Variants in TRDN observed in about 807,000 individuals in gnomAD.
The protein encoded by TRDN is triadin in skeletal muscle.
In TRDN, 161 loss-of-function variants were observed where a neutral mutation model predicts 149.7. The observed-to-expected ratio is 1.08, with a 90% CI of 0.95 to 1.23. The LOEUF (loss-of-function observed/expected upper bound fraction) is 1.23, where lower values mean the gene tolerates loss of function less well. TRDN is among the 50% of genes most tolerant of loss of function. The probability of loss-of-function intolerance (pLI) is 0.00; values close to 1 mark genes in which losing one functional copy is unlikely to be tolerated. For synonymous variants in TRDN, 294 were observed against 250.5 expected (o/e 1.17, Z -1.64); for missense variants, 896 against 823.5 (o/e 1.09, Z -1.08).
At chr6:123,393,701 T>A (rs1484290270) in intron 12 of TRDN, 24 bp from the exon 13 acceptor site, 1 of 1,586,842 alleles carries the variant, frequency 6.3e-7, no homozygotes, top group Non-Finnish European at 8.6e-7. Flanking sequence ...AAACATAAAT[T>A]ACCATGAAGT....
intron 19 of TRDN, among the ~76,000 whole-genome samples, chr6:123,374,856 C>T (rs1054006187): frequency 2.0e-5 from 3 of 152,014 alleles, no homozygotes; most frequent in African/African-American, 4.8e-5. Flanking sequence ...GTATTAGTAG[C>T]ATCACCAGTA....
intron 24 of TRDN, among the ~76,000 whole-genome samples, chr6:123,292,863 G>T (rs1314688629): frequency 1.3e-5 from 2 of 152,144 alleles, no homozygotes; most frequent in African/African-American, 4.8e-5. Context: ...GGGAATGGGA[G>T]CTACAGTTTT....
At chr6:123,346,989 TAA>T (rs11318779) in intron 21 of TRDN, among the ~76,000 whole-genome samples, 9 of 151,236 alleles carry the variant, frequency 6.0e-5, no homozygotes, top group South Asian at 2.1e-4. Context: ...ATTTCAAACA[TAA>T]AAAAAAAACA....
intron 14 of TRDN, among the ~76,000 whole-genome samples, chr6:123,385,709 T>C (rs532290574): frequency 6.6e-6 from 1 of 152,274 alleles, no homozygotes; most frequent in South Asian, 2.1e-4. Flanking sequence ...ATAAATCTCA[T>C]ATGGCTGGTT....
At chr6:123,600,803 C>A (rs1419623951) in intron 1 of TRDN, among the ~76,000 whole-genome samples, 1 of 152,104 alleles carries the variant, frequency 6.6e-6, no homozygotes, top group Non-Finnish European at 1.5e-5. Flanking sequence ...GATAATTCTA[C>A]TGTCCAGTTT....
intron 21 of TRDN, among the ~76,000 whole-genome samples, chr6:123,340,787 G>A (rs1038419447): frequency 5.9e-4 from 90 of 152,064 alleles, no homozygotes; most frequent in Middle Eastern, 3.4e-3. Flanking sequence ...TTATCTGAAA[G>A]TGAAACGATA....
intron 14 of TRDN, among the ~76,000 whole-genome samples, chr6:123,386,989 C>T (rs543142372): frequency 1.1e-3 from 163 of 152,098 alleles, no homozygotes; most frequent in African/African-American, 3.7e-3. Context: ...TTAGGAAAGA[C>T]GATTCAGAAA....
At chr6:123,585,541 G>A (rs886383716) in intron 1 of TRDN, among the ~76,000 whole-genome samples, 29 of 152,154 alleles carry the variant, frequency 1.9e-4, no homozygotes, top group African/African-American at 5.8e-4. Context: ...CGAGGCGATT[G>A]GGCAGCGTCA....
rs564825020 is a variant in TRDN at position 123,218,334 on chromosome 6, C to A, written c.*267G>T. 1 of 351,954 alleles carries A rather than the reference C, an allele frequency of 2.8e-6. No homozygotes were observed. The highest frequency in any genetic ancestry group is 2.1e-5 in the African/African-American group (1 of 47,832). The allele number at this position is 351,954 out of a possible 1,614,324, so 21.8% of individuals were successfully genotyped here. A position where few individuals can be genotyped will look rare whatever the true frequency, so the allele number is the denominator to read the frequency against. On this transcript the variant is annotated 3_prime_UTR_variant, in exon 41 of 41. Transcript: ENST00000334268. ...AAACTTTAAATTAGTTTGTGTACAACCTTATAGTGACTGGAAATAAGATAA... is the reference window on the plus strand; with the variant it reads ...AAACTTTAAATTAGTTTGTGTACAAACTTATAGTGACTGGAAATAAGATAA...
intron 20 of TRDN, among the ~76,000 whole-genome samples, chr6:123,360,976 A>G (rs934298764): frequency 6.6e-6 from 1 of 152,188 alleles, no homozygotes; most frequent in African/African-American, 2.4e-5. Context: ...TATCCAGTCT[A>G]TCATTGATGG....
intron 8 of TRDN, among the ~76,000 whole-genome samples, chr6:123,499,719 A>AATATATATATATATATATATATAT (rs71272328): frequency 2.5e-4 from 12 of 47,638 alleles, no homozygotes; most frequent in South Asian, 6.4e-4. Context: ...AAAAAAAAAA[A>AATATATATATATATATATATATAT]ATATATATAT....
chr6:123,621,032 CT>C (rs1255717316), intron 1 of TRDN, among the ~76,000 whole-genome samples: 1 of 152,048 alleles, frequency 6.6e-6, no homozygotes, highest in Non-Finnish European at 1.5e-5. Flanking sequence ...AAATAGGGAC[CT>C]TTTTTGTCCA....
chr6:123,547,422 A>G (rs1458231759), intron 3 of TRDN, 50 bp from the exon 4 acceptor site: 7 of 1,094,394 alleles, frequency 6.4e-6, no homozygotes, highest in Admixed American at 7.1e-5. Context: ...TTTAGCATAG[A>G]ATAATATGAC....
At chr6:123,391,976 T>C (rs951212230) in intron 13 of TRDN, among the ~76,000 whole-genome samples, 2 of 152,114 alleles carry the variant, frequency 1.3e-5, no homozygotes, top group African/African-American at 4.8e-5. Context: ...ATGGAGGATT[T>C]GCAAAGACGC....
chr6:123,275,724 A>G (rs1777346904), intron 26 of TRDN, among the ~76,000 whole-genome samples: 1 of 152,148 alleles, frequency 6.6e-6, no homozygotes, highest in Non-Finnish European at 1.5e-5. Context: ...ATTGCTTTGA[A>G]GAGATTATTG....
chr6:123,358,418 G>T (rs988966609), intron 20 of TRDN, among the ~76,000 whole-genome samples: 15 of 150,408 alleles, frequency 1.0e-4, no homozygotes, highest in Non-Finnish European at 3.0e-5. Context: ...TTTTTTCTCC[G>T]TATCACCCAT....
At chr6:123,283,898 T>C (rs1473482114) in intron 24 of TRDN, among the ~76,000 whole-genome samples, 4 of 145,888 alleles carry the variant, frequency 2.7e-5, no homozygotes, top group Non-Finnish European at 6.0e-5. Flanking sequence ...ATATTTCTGG[T>C]CCTGGAATTT....
rs868052821 is a variant in TRDN at position 123,477,803 on chromosome 6, G to A, written c.854-12820C>T. ...AAATCATCATTCTCAGTAAACTATC[G>A]CAAGAACAAAAAACCAAACACCGCA... On this transcript the variant is annotated intron_variant, in intron 9 of 40. Coordinates refer to ENST00000334268, the MANE Select transcript of TRDN (RefSeq NM_006073.4). Among the ~76,000 whole-genome samples the A allele has an allele frequency of 6.9e-3, 1,044 of 150,574 alleles. 5 individuals are homozygous for A. The highest frequency in any genetic ancestry group is 0.01 in the Non-Finnish European group (702 of 67,864).
intron 37 of TRDN, among the ~76,000 whole-genome samples, chr6:123,253,341 T>C (rs1043117017): frequency 1.3e-5 from 2 of 152,098 alleles, no homozygotes; most frequent in African/African-American, 2.4e-5. Context: ...TTAAGCTACC[T>C]GTATTACATG....
Sources: allele counts gnomAD v4.1 joint callset (sites outside exome capture counted in the v4.1 genomes callset), GRCh38; gene constraint gnomAD v4.1.1; transcripts MANE v1.5; gene names NCBI Gene and HGNC (gene_info 2026-07-23, HGNC 2026-07-21).